PHACTR3: variants seen among roughly 807,000 people sequenced by gnomAD.
PHACTR3 encodes phosphatase and actin regulator 3.
A neutral mutation model predicts 66.8 loss-of-function variants in PHACTR3; 16 were observed. The ratio of observed to expected loss-of-function variants is 0.24; its 90% CI spans 0.16 to 0.36. The LOEUF is 0.36. PHACTR3 is among the 10% of genes least tolerant of loss of function. PHACTR3 has a pLI of 1.00. For missense variants in PHACTR3, 647 were observed against 719.9 expected (o/e 0.90, Z 1.16); for synonymous variants, 323 against 292.1 (o/e 1.11, Z -1.08).
chr20:59,841,069 AAAAAGCTT>A (rs988533402), intron 10 of PHACTR3, among the ~76,000 whole-genome samples: 9 of 152,214 alleles, frequency 5.9e-5, no homozygotes, highest in Non-Finnish European at 1.3e-4. Context: ...TAGTACTTTT[AAAAAGCTT>A]ATCTAATTGT....
intron 1 of PHACTR3, among the ~76,000 whole-genome samples, chr20:59,639,306 A>G (rs1258121790): frequency 6.6e-6 from 1 of 152,268 alleles, no homozygotes; most frequent in Admixed American, 6.5e-5. Flanking sequence ...ACAGCCCCCA[A>G]TTTGCTGACA....
intron 1 of PHACTR3, among the ~76,000 whole-genome samples, chr20:59,658,974 GC>G (rs1234217148): frequency 7.7e-6 from 1 of 129,210 alleles, no homozygotes; most frequent in Non-Finnish European, 1.6e-5. Context: ...TTTTTTCTCT[GC>G]CTATTCTGTC....
At chr20:59,784,844 T>C (rs933881755) in intron 7 of PHACTR3, among the ~76,000 whole-genome samples, 2 of 152,204 alleles carry the variant, frequency 1.3e-5, no homozygotes, top group Admixed American at 6.5e-5. Context: ...ATTCAAAGGC[T>C]GCCTCTGGGC....
intron 8 of PHACTR3, among the ~76,000 whole-genome samples, chr20:59,812,457 C>T (rs2041764079): frequency 1.3e-5 from 2 of 152,216 alleles, no homozygotes; most frequent in African/African-American, 4.8e-5. Flanking sequence ...GAGCAGGACA[C>T]AGCGTGCAGC....
intron 1 of PHACTR3, among the ~76,000 whole-genome samples, chr20:59,730,074 G>T (rs944802901): frequency 2.6e-5 from 4 of 152,152 alleles, no homozygotes; most frequent in Non-Finnish European, 4.4e-5. Flanking sequence ...GTTGAGCCCT[G>T]GCTAGGCCCT....
intron 1 of PHACTR3, among the ~76,000 whole-genome samples, chr20:59,711,214 A>G (rs775772511): frequency 1.7e-4 from 26 of 152,210 alleles, no homozygotes; most frequent in Admixed American, 2.6e-4. Context: ...CTCTTCTACA[A>G]TTATGTAAAC....
chr20:59,701,501 T>G (rs1039030400), intron 1 of PHACTR3, among the ~76,000 whole-genome samples: 2 of 152,192 alleles, frequency 1.3e-5, no homozygotes, highest in Admixed American at 1.3e-4. Flanking sequence ...TAGGCTCCAG[T>G]AAGATGGGAA....
At chr20:59,672,417 A>G (rs1236146558) in intron 1 of PHACTR3, among the ~76,000 whole-genome samples, 1 of 152,158 alleles carries the variant, frequency 6.6e-6, no homozygotes, top group African/African-American at 2.4e-5. Flanking sequence ...CATGGCCTGC[A>G]TGTAGAATCA....
Position 59,723,792 on chromosome 20 carries a change from G to T in PHACTR3, c.119-19315G>T, listed in dbSNP as rs117514159. Among the ~76,000 whole-genome samples the T allele has an allele frequency of 6.3e-4, 96 of 152,062 alleles. 1 individual carries two copies. The East Asian group carries it at 0.014, about 21-fold the overall frequency. ...GTCATATGGTGACTCGGTCTCTGGG[G>T]TGTGGTCAGGAGTAGAATGTTCATG... On this transcript the variant is annotated intron_variant, in intron 1 of 12. Transcript: ENST00000371015.
At chr20:59,716,756 C>T (rs17804975) in intron 1 of PHACTR3, among the ~76,000 whole-genome samples, 18,930 of 152,212 alleles carry the variant, frequency 0.12, 1,532 homozygotes, top group Non-Finnish European at 0.17. Flanking sequence ...AAATTGCGGG[C>T]TTCATGATGA....
chr20:59,743,303 G>C (rs1389657684), intron 2 of PHACTR3, 35 bp downstream of exon 2: 15 of 1,609,888 alleles, frequency 9.3e-6, no homozygotes, highest in Non-Finnish European at 1.1e-5. Context: ...GCAGGCTGTG[G>C]CTGGGACCAG....
At chr20:59,616,179 C>G (rs983656034) in intron 1 of PHACTR3, among the ~76,000 whole-genome samples, 3 of 152,178 alleles carry the variant, frequency 2.0e-5, no homozygotes, top group African/African-American at 7.2e-5. Context: ...CTTAGACGAG[C>G]AGTTATGATG....
At chr20:59,828,605 C>A (rs1171729389) in intron 8 of PHACTR3, among the ~76,000 whole-genome samples, 1 of 151,876 alleles carries the variant, frequency 6.6e-6, no homozygotes, top group East Asian at 1.9e-4. Context: ...GGCTGCGGAC[C>A]CGTGTGAGGA....
In PHACTR3 at chr20:59,590,102, C is replaced by T. The variant is rs560038868; in HGVS notation, c.109+12485C>T. Among the ~76,000 whole-genome samples, 21 of 152,224 alleles carry T rather than the reference C, an allele frequency of 1.4e-4. No individual in the cohort carries two copies. In the East Asian group the frequency reaches 2.9e-3, roughly 21 times the overall value. ...TGGTACTGGTGAGTGTGTGCACTCA[C>T]GTGTGCATGTGTGTGCGTGCTTGTG... is the stretch of plus-strand genomic sequence containing the variant. On this transcript the variant is annotated intron_variant, in intron 1 of 12. Coordinates refer to the PHACTR3 transcript ENST00000359926.
chr20:59,740,523 T>TG (rs2039114474), intron 1 of PHACTR3, among the ~76,000 whole-genome samples: 1 of 151,236 alleles, frequency 6.6e-6, no homozygotes, highest in Non-Finnish European at 1.5e-5. Context: ...TCTCAAACTC[T>TG]TGGGATCAAG....
At chr20:59,831,568 A>G (rs1246276024) in intron 8 of PHACTR3, among the ~76,000 whole-genome samples, 1 of 152,228 alleles carries the variant, frequency 6.6e-6, no homozygotes, top group Non-Finnish European at 1.5e-5. Flanking sequence ...AGTCTCAAGC[A>G]GCTGCAGAGG....
At chr20:59,637,696 TAAA>T (rs34038040) in intron 1 of PHACTR3, among the ~76,000 whole-genome samples, 1,738 of 143,148 alleles carry the variant, frequency 0.012, 15 homozygotes, top group Non-Finnish European at 0.015. Flanking sequence ...CACAAAGCAT[TAAA>T]AAAAAAAAAA....
In PHACTR3 at chr20:59,765,038, T is replaced by C. The variant is rs187381024; in HGVS notation, c.542-2148T>C. Among the ~76,000 whole-genome samples the C allele has an allele frequency of 4.8e-3, 730 of 152,310 alleles. 3 individuals are homozygous for C. Among genetic ancestry groups the C allele is most frequent in the African/African-American group, 0.017 (692 of 41,574 alleles). On this transcript the variant is annotated intron_variant, in intron 4 of 12. Coordinates refer to ENST00000371015, the MANE Select transcript of PHACTR3 (RefSeq NM_080672.5). ...ACACAAGACAGAAAACTCCACAAAG[T>C]TATAACTGGAACCTACATAGAGAAA...
chr20:59,609,047 C>G lies in PHACTR3; in HGVS notation c.118+3915C>G, dbSNP rs548973236. Among the ~76,000 whole-genome samples the G allele has an allele frequency of 5.3e-5, 8 of 152,316 alleles. No individual in the cohort carries two copies. The East Asian group carries it at 1.5e-3, about 29-fold the overall frequency. On this transcript the variant is annotated intron_variant, in intron 1 of 12. Coordinates refer to ENST00000371015, the MANE Select transcript of PHACTR3 (RefSeq NM_080672.5). ...GGCGCTGGTGTCTCAACCTATGTGGCGGTGCCTGGCCAGGCAACTGGCCAC... is the reference window on the plus strand; with the variant it reads ...GGCGCTGGTGTCTCAACCTATGTGGGGGTGCCTGGCCAGGCAACTGGCCAC...
Sources: allele counts gnomAD v4.1 joint callset (sites outside exome capture counted in the v4.1 genomes callset), GRCh38; gene constraint gnomAD v4.1.1; transcripts MANE v1.5; gene names NCBI Gene and HGNC (gene_info 2026-07-23, HGNC 2026-07-21).